The following KDM4B variants were observed in gnomAD, a reference collection of about 807,000 sequenced individuals.
KDM4B encodes lysine demethylase 4B.
Under a neutral mutation model 125.2 loss-of-function variants are expected in KDM4B, and 32 were observed. The ratio of observed to expected loss-of-function variants is 0.26; its 90% CI spans 0.19 to 0.34. The LOEUF (loss-of-function observed/expected upper bound fraction) is 0.34, where lower values mean the gene tolerates loss of function less well. Among genes scored for constraint, KDM4B ranks in the 10% least tolerant of loss-of-function variants. The pLI is 1.00. For synonymous variants in KDM4B, 721 were observed against 677.9 expected (o/e 1.06, Z -0.99); for missense variants, 1,190 against 1,577.7 (o/e 0.75, Z 4.16).
At chr19:4,995,731 C>T (rs912522866) in intron 1 of KDM4B, among the ~76,000 whole-genome samples, 5 of 152,150 alleles carry the variant, frequency 3.3e-5, no homozygotes, top group Non-Finnish European at 5.9e-5. Flanking sequence ...ACCTTGGGTC[C>T]CAGCACAGTA....
intron 9 of KDM4B, among the ~76,000 whole-genome samples, chr19:5,086,343 C>T (rs542217920): frequency 4.2e-4 from 64 of 152,158 alleles, no homozygotes; most frequent in African/African-American, 1.3e-3. Context: ...GGTAGGCCGA[C>T]GCTGTGCCGT....
At chr19:5,113,277 A>G (rs2145994006) in intron 10 of KDM4B, 1 of 151,742 alleles carries the variant, frequency 6.6e-6, no homozygotes, top group South Asian at 2.1e-4. Context: ...AAATGAAGTC[A>G]GCTTCCCAAG....
At chr19:5,019,870 G>C (rs1348231192) in intron 2 of KDM4B, among the ~76,000 whole-genome samples, 1 of 137,930 alleles carries the variant, frequency 7.3e-6, no homozygotes, top group Non-Finnish European at 1.5e-5. Context: ...GTCGGTGTGG[G>C]TGTGCAGGTG....
chr19:5,053,197 C>G (rs187415191), intron 6 of KDM4B, among the ~76,000 whole-genome samples: 42 of 152,372 alleles, frequency 2.8e-4, no homozygotes, highest in African/African-American at 1.0e-3. Flanking sequence ...GCTCCCTCCT[C>G]TCCTTGCCAC....
intron 9 of KDM4B, among the ~76,000 whole-genome samples, chr19:5,102,054 C>A (rs1453805948): frequency 6.6e-6 from 1 of 152,156 alleles, no homozygotes; most frequent in Admixed American, 6.5e-5. Flanking sequence ...CGCAGACCTC[C>A]GTTTTGAGCA....
At chr19:5,064,707 C>G (rs1327416849) in intron 6 of KDM4B, among the ~76,000 whole-genome samples, 2 of 152,212 alleles carry the variant, frequency 1.3e-5, no homozygotes, top group Non-Finnish European at 2.9e-5. Context: ...GTGAGGGCCA[C>G]AGAGTCCTGG....
In KDM4B at chr19:5,123,455, C is replaced by T. The variant is rs138007243; in HGVS notation, c.1315+3603C>T. ...CCCCCCTTCCTAAGGACACTGGCCA[C>T]GCTGGGCCTGGCCCGCCCCAAGGGT... On this transcript the variant is annotated intron_variant, in intron 11 of 22. Coordinates refer to ENST00000159111, the MANE Select transcript of KDM4B (RefSeq NM_015015.3). 1.8e-3 allele frequency among the ~76,000 whole-genome samples: 281 copies of T among 152,306 alleles called. 1 individual carries two copies. The highest frequency in any genetic ancestry group is 6.5e-3 in the African/African-American group (271 of 41,560).
At chr19:5,095,759 G>A (rs2038808116) in intron 9 of KDM4B, among the ~76,000 whole-genome samples, 1 of 152,232 alleles carries the variant, frequency 6.6e-6, no homozygotes, top group African/African-American at 2.4e-5. Flanking sequence ...TAGGAGGAGG[G>A]AGAGGGCCCG....
At chr19:5,146,911 A>AGCT (rs2039857829) in intron 21 of KDM4B, among the ~76,000 whole-genome samples, 1 of 129,740 alleles carries the variant, frequency 7.7e-6, no homozygotes, top group African/African-American at 3.0e-5. Flanking sequence ...ACTGTACTCC[A>AGCT]GCTTGGGTGA....
intron 1 of KDM4B, among the ~76,000 whole-genome samples, chr19:5,001,410 G>A (rs2035379990): frequency 6.6e-6 from 1 of 152,170 alleles, no homozygotes; most frequent in South Asian, 2.1e-4. Context: ...TGGCCAGGGA[G>A]CTCTTCCTGG....
At chr19:5,119,030 T>A in intron 10 of KDM4B, 1 of 743,852 alleles carries the variant, frequency 1.3e-6, no homozygotes, top group Non-Finnish European at 2.3e-6. Context: ...CCCAGGGAGT[T>A]GGGGACAGAG....
intron 9 of KDM4B, among the ~76,000 whole-genome samples, chr19:5,109,989 A>G (rs1171043342): frequency 6.6e-6 from 1 of 152,206 alleles, no homozygotes; most frequent in Non-Finnish European, 1.5e-5. Context: ...GAGGCATCTG[A>G]ACCTCAGCCT....
intron 1 of KDM4B, among the ~76,000 whole-genome samples, chr19:4,977,510 C>G (rs1219055505): frequency 6.6e-6 from 1 of 152,236 alleles, no homozygotes; most frequent in African/African-American, 2.4e-5. Context: ...TAGCTGGACC[C>G]AAGTGCTGGC....
At position 5,135,438 on chromosome 19, in the gene KDM4B, C is replaced by G; in HGVS notation, c.2185C>G (p.Pro729Ala). 6.2e-7 allele frequency: 1 copy of G among 1,613,612 alleles called. No individual in the cohort carries two copies. Among genetic ancestry groups the G allele is most frequent in the South Asian group, 1.1e-5 (1 of 91,092 alleles). Reference protein sequence around the residue: ...KSRQKTRPLIPEMCFTSGGEN... With the variant: ...KSRQKTRPLIAEMCFTSGGEN... ...CCGTCAGAAGACCCGACCGCTCATC[C>G]CTGAGATGTGCTTCACCTCTGGCGG... Residue 729 changes from proline (P) to alanine (A), a missense_variant, in exon 15 of 23, where the codon CCT becomes GCT. Pro to Ala is a conservative substitution (Grantham distance 27, BLOSUM62 -1). Coordinates refer to ENST00000159111, the MANE Select transcript of KDM4B (RefSeq NM_015015.3).
Position 5,111,254 on chromosome 19 carries a change from G to T in KDM4B, c.1115+436G>T, listed in dbSNP as rs553847729. The T allele has an allele frequency of 1.8e-4, 118 of 658,334 alleles. 1 individual carries two copies. The African/African-American group carries it at 1.8e-3, about 10-fold the overall frequency. 40.8% of individuals were successfully genotyped at this position (658,334 alleles called of 1,614,324 possible). A position where few individuals can be genotyped will look rare whatever the true frequency, so the allele number is the denominator to read the frequency against. On this transcript the variant is annotated intron_variant, in intron 10 of 22. Transcript: ENST00000159111. ...GGGCCCCTCCCTGGCGCTGAGAGCA[G>T]TCGGGTTCCCTGCAAGGACTCAACG...
At chr19:5,071,260 C>T (rs929125100) in intron 7 of KDM4B, among the ~76,000 whole-genome samples, 8 of 152,218 alleles carry the variant, frequency 5.3e-5, no homozygotes, top group Non-Finnish European at 8.8e-5. Flanking sequence ...CCTTCTGCCG[C>T]GCAGTTTGTC....
At chr19:5,061,004 C>T (rs2037577032) in intron 6 of KDM4B, among the ~76,000 whole-genome samples, 1 of 152,210 alleles carries the variant, frequency 6.6e-6, no homozygotes. Context: ...CGAGTCTGCT[C>T]CTAATTAAAG....
chr19:5,085,735 G>A (rs966435389), intron 9 of KDM4B, among the ~76,000 whole-genome samples: 8 of 152,190 alleles, frequency 5.3e-5, no homozygotes, highest in African/African-American at 9.6e-5. Flanking sequence ...CCTGGGCGGC[G>A]AGGGCCTTAC....
chr19:5,016,600 C>G (rs1242576946), intron 2 of KDM4B, among the ~76,000 whole-genome samples: 1 of 152,246 alleles, frequency 6.6e-6, no homozygotes, highest in East Asian at 1.9e-4. Context: ...ACTCTCACTT[C>G]TAGAAACTGG....
Sources: gnomAD v4.1 joint callset for allele counts (sites outside exome capture counted in the v4.1 genomes callset) on GRCh38, gnomAD v4.1.1 for gene constraint, MANE v1.5 for transcripts, NCBI Gene and HGNC (gene_info 2026-07-23, HGNC 2026-07-21) for gene names.